The following TMEM218 variants were observed in gnomAD, a reference collection of about 807,000 sequenced individuals.
TMEM218 encodes transmembrane protein 218.
In TMEM218, 8 loss-of-function variants were observed where a neutral mutation model predicts 10.0. That is an observed-to-expected ratio of 0.80 (90% CI 0.47 to 1.44). The LOEUF (loss-of-function observed/expected upper bound fraction) is 1.44, where lower values mean the gene tolerates loss of function less well. TMEM218 is among the 40% of genes most tolerant of loss of function. The pLI, the probability that TMEM218 is intolerant of heterozygous loss-of-function variation, is 0.00. For missense variants in TMEM218, 110 were observed against 140.1 expected (o/e 0.79, Z 1.08); for synonymous variants, 66 against 63.5 (o/e 1.04, Z -0.18).
intron 4 of TMEM218, among the ~76,000 whole-genome samples, chr11:125,098,234 C>T (rs933883533): frequency 6.6e-6 from 1 of 152,202 alleles, no homozygotes; most frequent in Admixed American, 6.5e-5. Flanking sequence ...AAAGGTGACT[C>T]TTTAAAGCTA....
Position 125,101,106 on chromosome 11 carries a change from C to T in TMEM218, c.213+95G>A. The T allele has an allele frequency of 3.0e-6, 3 of 1,003,570 alleles. No individual in the cohort carries two copies. In the South Asian group the frequency reaches 4.9e-5, roughly 16 times the overall value. The allele number at this position is 1,003,570 out of a possible 1,614,324, so 62.2% of individuals were successfully genotyped here. ...TTTACAATTCTGACATCTCAGGCAA[C>T]CCGATGTCAGGGAACATCAAGGGCA... On this transcript the variant is annotated intron_variant, in intron 4 of 4. Transcript: ENST00000682305.
chr11:125,107,592 C>T (rs953344489), intron 1 of TMEM218, among the ~76,000 whole-genome samples: 1 of 151,980 alleles, frequency 6.6e-6, no homozygotes, highest in Non-Finnish European at 1.5e-5. Context: ...TATGCATACA[C>T]ACGTAGCACA....
At chr11:125,101,606 C>A in intron 3 of TMEM218, 1 of 852,692 alleles carries the variant, frequency 1.2e-6, no homozygotes, top group African/African-American at 1.7e-5. Flanking sequence ...TCTCCACCTC[C>A]ACTTCTGTTG....
At chr11:125,104,550 T>C (rs1951677894) in intron 1 of TMEM218, 1 of 152,228 alleles carries the variant, frequency 6.6e-6, no homozygotes, top group Admixed American at 6.5e-5. Flanking sequence ...CATTTATTTG[T>C]TTACAAGTTT....
intron 4 of TMEM218, among the ~76,000 whole-genome samples, chr11:125,098,807 G>A (rs1433914322): frequency 6.6e-6 from 1 of 152,208 alleles, no homozygotes; most frequent in Non-Finnish European, 1.5e-5. Flanking sequence ...GAATAGGGAG[G>A]TGGGAGAGAG....
chr11:125,094,612 CCT>C lies in TMEM218; in HGVS notation c.*2992_*2993del, dbSNP rs1949399393. ...CTGTGAAACTTTTTAAATCCCTTGTCCTCTCTGCCTGTTTCTCATCTGTAAAA... is the reference window on the plus strand; with the variant it reads ...CTGTGAAACTTTTTAAATCCCTTGTCCTCTGCCTGTTTCTCATCTGTAAAA... On this transcript the variant is annotated 3_prime_UTR_variant, in exon 5 of 5. Coordinates refer to ENST00000682305, the MANE Select transcript of TMEM218 (RefSeq NM_001258244.2). Among the ~76,000 whole-genome samples, 1 of 151,256 alleles carries C rather than the reference CCT, an allele frequency of 6.6e-6. No individual in the cohort carries two copies. The highest frequency in any genetic ancestry group is 2.4e-5 in the African/African-American group (1 of 40,894).
In TMEM218 at chr11:125,095,845, T is replaced by C. The variant is rs1166368869; in HGVS notation, c.*1761A>G. 6.6e-6 allele frequency among the ~76,000 whole-genome samples: 1 copy of C among 152,180 alleles called. No homozygotes were observed. Among genetic ancestry groups the C allele is most frequent in the Non-Finnish European group, 1.5e-5 (1 of 68,026 alleles). On this transcript the variant is annotated 3_prime_UTR_variant, in exon 5 of 5. Transcript: ENST00000682305. The stretch of plus-strand genomic sequence containing the variant: ...TTTTGGGGGGAATAAAAAAGATGGA[T>C]TCATGGTCAGGAACCTATAAGAGTT...
At chr11:125,106,864 C>CA (rs1170005335) in intron 1 of TMEM218, among the ~76,000 whole-genome samples, 6 of 151,862 alleles carry the variant, frequency 4.0e-5, no homozygotes, top group Admixed American at 2.6e-4. Context: ...CACCTAAATT[C>CA]AAAAAAAAGA....
At position 125,094,685 on chromosome 11, in the gene TMEM218, A is replaced by G. The variant is rs1318364614; in HGVS notation, c.*2921T>C. Among the ~76,000 whole-genome samples, 1 of 152,228 alleles carries G rather than the reference A, an allele frequency of 6.6e-6. No homozygotes were observed. Among genetic ancestry groups the G allele is most frequent in the African/African-American group, 2.4e-5 (1 of 41,460 alleles). ...ACACATTGAGCAAAAAATAAACCAG[A>G]AACACTTCAACTGCAACAACCATGA... On this transcript the variant is annotated 3_prime_UTR_variant, in exon 5 of 5. Coordinates refer to ENST00000682305, the MANE Select transcript of TMEM218 (RefSeq NM_001258244.2).
Position 125,101,703 on chromosome 11 carries a change from A to G in TMEM218, c.111-400T>C, listed in dbSNP as rs765831858. The G allele has an allele frequency of 2.9e-5, 16 of 548,368 alleles. No homozygotes were observed. The East Asian group carries it at 4.8e-4, about 17-fold the overall frequency. The allele number at this position is 548,368 out of a possible 1,614,324, so 34.0% of individuals were successfully genotyped here. ...GCCAGAGTGCAACTCTAGTGTTTTC[A>G]GAGTCGGTTTATGGCCTAACCCTGT... On this transcript the variant is annotated intron_variant, in intron 3 of 4. Coordinates refer to ENST00000682305, the MANE Select transcript of TMEM218 (RefSeq NM_001258244.2).
chr11:125,107,316 CT>C (rs766415951), intron 1 of TMEM218, among the ~76,000 whole-genome samples: 14 of 152,176 alleles, frequency 9.2e-5, no homozygotes, highest in Admixed American at 7.2e-4. Flanking sequence ...GATTTATATA[CT>C]TTTCTGTATG....
At chr11:125,107,570 A>G (rs549603084) in intron 1 of TMEM218, among the ~76,000 whole-genome samples, 1 of 152,228 alleles carries the variant, frequency 6.6e-6, no homozygotes, top group Admixed American at 6.5e-5. Context: ...AAGATTATTT[A>G]TGATAAAGAT....
rs1300953958 is a variant in TMEM218, at chr11:125,102,733, C to G, written c.-77+1G>C. On this transcript the variant is annotated splice_donor_variant, in intron 2 of 4. Transcript: ENST00000682305. LOFTEE classifies it low-confidence loss of function (5UTR_SPLICE). ...AATCCATGGTGTGAGCTGTGACTCA[C>G]CAGGCAATGGATCACAAGACAGAAA... 2 of 1,285,446 alleles carry G rather than the reference C, an allele frequency of 1.6e-6. No individual in the cohort carries two copies. Among genetic ancestry groups the G allele is most frequent in the Non-Finnish European group, 2.0e-6 (2 of 986,468 alleles). 79.6% of individuals were successfully genotyped at this position (1,285,446 alleles called of 1,614,324 possible).
chr11:125,101,443 C>T (rs758868320), intron 3 of TMEM218, 140 bp from the exon 4 acceptor site: 2 of 1,529,140 alleles, frequency 1.3e-6, no homozygotes, highest in South Asian at 1.2e-5. Context: ...CTGTCAACAA[C>T]CTCTTCATCC....
intron 3 of TMEM218, chr11:125,101,675 C>A: frequency 1.7e-6 from 1 of 582,422 alleles, no homozygotes; most frequent in Non-Finnish European, 2.9e-6. Flanking sequence ...CTAACACTGT[C>A]TTGCCAGAGT....
At chr11:125,098,813 G>A (rs924289142) in intron 4 of TMEM218, among the ~76,000 whole-genome samples, 1 of 152,194 alleles carries the variant, frequency 6.6e-6, no homozygotes, top group Non-Finnish European at 1.5e-5. Context: ...GGAGGTGGGA[G>A]AGAGGGTCAG....
intron 1 of TMEM218, chr11:125,103,588 G>A (rs1206690900): frequency 2.6e-5 from 4 of 152,110 alleles, no homozygotes; most frequent in African/African-American, 7.2e-5. Flanking sequence ...TGGATTTAGG[G>A]TCTGTACAAA....
At position 125,097,721 on chromosome 11, in the gene TMEM218, A is replaced by T; in HGVS notation, c.233T>A (p.Ile78Asn). Residue 78 changes from isoleucine to asparagine, a missense_variant, in exon 5 of 5, where the codon ATT (isoleucine) becomes AAT (asparagine). By Grantham distance (149) the Ile-to-Asn change is moderately radical. Coordinates refer to ENST00000682305, the MANE Select transcript of TMEM218 (RefSeq NM_001258244.2). Reference sequence around the variant, plus strand: ...GAAAGCCAGCAGGACATAGCGGCCAATGAAAAAGTCATCCACAATCTGGAG... The same window carrying T: ...GAAAGCCAGCAGGACATAGCGGCCATTGAAAAAGTCATCCACAATCTGGAG... ...VEVKIVDDFF[I>N]GRYVLLAFLS... is the part of the protein sequence containing the mutation. 4 of 1,613,776 alleles carry T rather than the reference A, an allele frequency of 2.5e-6. No homozygotes were observed. Among genetic ancestry groups the T allele is most frequent in the African/African-American group, 2.7e-5 (2 of 75,026 alleles).
At chr11:125,102,857 G>A (rs1565428196) in intron 1 of TMEM218, 48 bp from the exon 2 acceptor site, 1 of 477,370 alleles carries the variant, frequency 2.1e-6, no homozygotes, top group East Asian at 7.0e-5. Context: ...TTCACTGTGT[G>A]CTAAGTGCCG....
Sources: allele counts gnomAD v4.1 joint callset (sites outside exome capture counted in the v4.1 genomes callset), GRCh38; gene constraint gnomAD v4.1.1; transcripts MANE v1.5; gene names NCBI Gene and HGNC (gene_info 2026-07-23, HGNC 2026-07-21).